GPR158: variants seen among roughly 807,000 people sequenced by gnomAD.
The protein encoded by GPR158 is G protein-coupled receptor 158, also known as metabotropic glycine receptor.
Under a neutral mutation model 78.2 loss-of-function variants are expected in GPR158, and 30 were observed. The ratio of observed to expected loss-of-function variants is 0.38; its 90% CI spans 0.29 to 0.52. GPR158 has a LOEUF of 0.52. GPR158 is among the 20% of genes least tolerant of loss of function. The pLI is 0.83. For missense variants in GPR158, 1,463 were observed against 1,523.5 expected, an observed-to-expected ratio of 0.96 and a Z score of 0.66; for synonymous variants, 581 against 591.1, an observed-to-expected ratio of 0.98 and a Z score of 0.25.
intron 4 of GPR158, among the ~76,000 whole-genome samples, chr10:25,423,479 C>A (rs115753954): frequency 0.011 from 1,680 of 151,728 alleles, 31 homozygotes; most frequent in African/African-American, 0.039. Flanking sequence ...TGTTGGATTG[C>A]TGCACCCATT....
At chr10:25,521,542 C>A (rs1390705260) in intron 5 of GPR158, among the ~76,000 whole-genome samples, 4 of 152,144 alleles carry the variant, frequency 2.6e-5, no homozygotes, top group Non-Finnish European at 4.4e-5. Flanking sequence ...TTAGAGATTT[C>A]TTCTTGGTTT....
chr10:25,596,452 A>G (rs1837407491), intron 9 of GPR158, among the ~76,000 whole-genome samples, 191 bp from the exon 10 acceptor site: 1 of 152,102 alleles, frequency 6.6e-6, no homozygotes, highest in South Asian at 2.1e-4. Flanking sequence ...GCTGAGCAAC[A>G]TAGCAAGACC....
chr10:25,551,156 C>A, intron 6 of GPR158, 71 bp downstream of exon 6: 1 of 847,232 alleles, frequency 1.2e-6, no homozygotes, highest in Non-Finnish European at 2.1e-6. Flanking sequence ...TAATTGTTAG[C>A]TGGGCTGACC....
chr10:25,208,850 C>CTTT (rs569632042), intron 1 of GPR158, among the ~76,000 whole-genome samples: 1 of 135,072 alleles, frequency 7.4e-6, no homozygotes, highest in Non-Finnish European at 1.6e-5. Context: ...TTCTTTCCTT[C>CTTT]TTTTTTTTTT....
Position 25,223,356 on chromosome 10 carries a change from C to T in GPR158, c.1008+2199C>T, listed in dbSNP as rs547914967. On this transcript the variant is annotated intron_variant, in intron 2 of 10. Coordinates refer to ENST00000376351, the MANE Select transcript of GPR158 (RefSeq NM_020752.3). ...AGTTGGGAAGAAAGAATCTTTGTGTCGTGGGCTATGCTCAGGAGGCCCTCA... is the reference window on the plus strand; with the variant it reads ...AGTTGGGAAGAAAGAATCTTTGTGTTGTGGGCTATGCTCAGGAGGCCCTCA... 3.9e-5 allele frequency among the ~76,000 whole-genome samples: 6 copies of T among 152,228 alleles called. No individual in the cohort carries two copies. In the East Asian group the frequency reaches 7.7e-4, roughly 20 times the overall value.
At position 25,251,744 on chromosome 10, in the gene GPR158, G is replaced by A. The variant is rs369606337; in HGVS notation, c.1008+30587G>A. 2.7e-3 allele frequency among the ~76,000 whole-genome samples: 404 copies of A among 151,478 alleles called. 1 individual carries two copies. Among genetic ancestry groups the A allele is most frequent in the Admixed American group, 4.2e-3 (64 of 15,202 alleles). ...CGACCTTTCTCTCTGGCTGCCCTTA[G>A]CATTTTTTCCTTCATTTCAACTTTG... On this transcript the variant is annotated intron_variant, in intron 2 of 10. Coordinates refer to ENST00000376351, the MANE Select transcript of GPR158 (RefSeq NM_020752.3).
At chr10:25,565,461 A>G (rs1025245206) in intron 6 of GPR158, among the ~76,000 whole-genome samples, 40 of 152,102 alleles carry the variant, frequency 2.6e-4, no homozygotes, top group Non-Finnish European at 5.4e-4. Flanking sequence ...GAGAGAAAAG[A>G]GCATATAGGA....
chr10:25,521,186 G>A (rs139373596), intron 5 of GPR158, among the ~76,000 whole-genome samples: 2,618 of 152,298 alleles, frequency 0.017, 65 homozygotes, highest in African/African-American at 0.06. Flanking sequence ...GACCCCTTGC[G>A]CTTCCCAGGT....
intron 2 of GPR158, among the ~76,000 whole-genome samples, chr10:25,259,382 C>T (rs1853937358): frequency 6.6e-6 from 1 of 152,120 alleles, no homozygotes; most frequent in Admixed American, 6.6e-5. Context: ...TCTTTCTTTT[C>T]CCACTGATGT....
chr10:25,502,921 T>C (rs537055800), intron 5 of GPR158, among the ~76,000 whole-genome samples: 31 of 152,246 alleles, frequency 2.0e-4, no homozygotes, highest in African/African-American at 7.0e-4. Flanking sequence ...CCATAGAAAG[T>C]TCCCAAGCCA....
chr10:25,176,242 C>A lies in GPR158; in HGVS notation c.822C>A (p.Asn274Lys). ...CTCCGCCTTATCTGGAGTGCGAGAA[C>A]GGGAGTTACAAGCCCGGGTGGCTGG... ...KWSPPYLECE[N>K]GSYKPGWLVT... The change falls in exon 1 of 11, where the codon AAC becomes AAA. Residue 274 changes from asparagine to lysine, a missense_variant. By Grantham distance (94) the Asn-to-Lys change is moderately conservative. Transcript: ENST00000376351. This position sits in a 1 kb window ranked among gnomAD's most constrained non-coding sequence, Gnocchi z 6.3. 1 of 1,608,236 alleles carries A rather than the reference C, an allele frequency of 6.2e-7. No individual in the cohort carries two copies. The highest frequency in any genetic ancestry group is 8.5e-7 in the Non-Finnish European group (1 of 1,178,190).
rs563174399 is a variant in GPR158 at position 25,523,073 on chromosome 10, C to T, written c.1405-27903C>T. Among the ~76,000 whole-genome samples, 276 of 152,318 alleles carry T rather than the reference C, an allele frequency of 1.8e-3. 1 individual carries two copies. Among genetic ancestry groups the T allele is most frequent in the Non-Finnish European group, 3.0e-3 (203 of 68,034 alleles). On this transcript the variant is annotated intron_variant, in intron 5 of 10. Transcript: ENST00000376351. Reference sequence around the variant, plus strand: ...AAATGGAAGAAACAGTCAAGCCCTTCATCACTTAGTATAAGCAAGAGGCTG... The same window carrying T: ...AAATGGAAGAAACAGTCAAGCCCTTTATCACTTAGTATAAGCAAGAGGCTG...
rs765005360 is a variant in GPR158, at chr10:25,233,154, C to T, written c.1008+11997C>T. On this transcript the variant is annotated intron_variant, in intron 2 of 10. Coordinates refer to ENST00000376351, the MANE Select transcript of GPR158 (RefSeq NM_020752.3). Reference sequence around the variant, plus strand: ...GTCTGGAGGAGGATTTTGGTCCATGCGCTGTCTCCAGAAAGGAATATCTTT... The same window carrying T: ...GTCTGGAGGAGGATTTTGGTCCATGTGCTGTCTCCAGAAAGGAATATCTTT... Among the ~76,000 whole-genome samples, 14 of 152,172 alleles carry T rather than the reference C, an allele frequency of 9.2e-5. No individual in the cohort carries two copies. In the East Asian group the frequency reaches 9.6e-4, roughly 10 times the overall value.
In GPR158 at chr10:25,337,325, C is replaced by T. The variant is rs555147202; in HGVS notation, c.1009-58586C>T. Among the ~76,000 whole-genome samples, 6 of 152,152 alleles carry T rather than the reference C, an allele frequency of 3.9e-5. No homozygotes were observed. In the East Asian group the frequency reaches 1.2e-3, roughly 29 times the overall value. Reference sequence around the variant, plus strand: ...TTCCTTGTGCTTTGTGCAGTCAACACCATTTCCTCAAGGGTAAACACATTT... The same window carrying T: ...TTCCTTGTGCTTTGTGCAGTCAACATCATTTCCTCAAGGGTAAACACATTT... On this transcript the variant is annotated intron_variant, in intron 2 of 10. Coordinates refer to ENST00000376351, the MANE Select transcript of GPR158 (RefSeq NM_020752.3).
Position 25,192,091 on chromosome 10 carries a change from G to A in GPR158, c.902+15769G>A, listed in dbSNP as rs116862908. ...GAATTGTAATCTCCATAATTCCCAC[G>A]TGTCAAGGGAGAGACCAGGTGGAGG... is the stretch of plus-strand genomic sequence containing the variant. On this transcript the variant is annotated intron_variant, in intron 1 of 10. Transcript: ENST00000376351. Among the ~76,000 whole-genome samples, 14 of 152,206 alleles carry A rather than the reference G, an allele frequency of 9.2e-5. No homozygotes were observed. The East Asian group carries it at 2.5e-3, about 27-fold the overall frequency.
At chr10:25,432,064 A>G (rs1020713706) in intron 4 of GPR158, among the ~76,000 whole-genome samples, 3 of 152,202 alleles carry the variant, frequency 2.0e-5, no homozygotes, top group African/African-American at 7.2e-5. Flanking sequence ...CATTTAAACA[A>G]TTAAAAGGTA....
intron 2 of GPR158, among the ~76,000 whole-genome samples, chr10:25,259,510 A>G (rs1853939846): frequency 1.3e-5 from 2 of 152,092 alleles, no homozygotes; most frequent in African/African-American, 4.8e-5. Flanking sequence ...CTATAGCTTT[A>G]TTATAAGATT....
intron 2 of GPR158, among the ~76,000 whole-genome samples, chr10:25,239,176 A>T (rs2130704066): frequency 6.6e-6 from 1 of 152,250 alleles, no homozygotes; most frequent in African/African-American, 2.4e-5. Flanking sequence ...TGAAGAGCTA[A>T]TTTTGACTTG....
At chr10:25,521,384 C>T (rs1336220873) in intron 5 of GPR158, among the ~76,000 whole-genome samples, 1 of 152,186 alleles carries the variant, frequency 6.6e-6, no homozygotes, top group East Asian at 1.9e-4. Flanking sequence ...CATCTTGGCT[C>T]CTCCCTCCTC....
Sources: allele counts gnomAD v4.1 joint callset (sites outside exome capture counted in the v4.1 genomes callset), GRCh38; gene constraint gnomAD v4.1.1; non-coding constraint Gnocchi (gnomAD v3.1); transcripts MANE v1.5; gene names NCBI Gene and HGNC (gene_info 2026-07-23, HGNC 2026-07-21).